The following RAD51B variants were observed in gnomAD, a reference collection of about 807,000 sequenced individuals.
RAD51B encodes RAD51 paralog B.
In RAD51B, 38 loss-of-function variants were observed where a neutral mutation model predicts 42.2. The observed-to-expected ratio is 0.90, with a 90% CI of 0.70 to 1.18. The LOEUF is 1.18. Among genes scored for constraint, RAD51B ranks in the 50% most tolerant of loss-of-function variants. The pLI is 0.00. For synonymous variants in RAD51B, 154 were observed against 145.2 expected, an observed-to-expected ratio of 1.06 and a Z score of -0.43; for missense variants, 373 against 400.7, an observed-to-expected ratio of 0.93 and a Z score of 0.59.
At chr14:68,316,557 T>C (rs1956532) in intron 8 of RAD51B, among the ~76,000 whole-genome samples, 75,794 of 152,070 alleles carry the variant, frequency 0.5, 21,637 homozygotes, top group South Asian at 0.65. Context: ...TTCCACATGT[T>C]TCTAATTAGG....
At chr14:68,022,569 C>T (rs766697795) in intron 7 of RAD51B, among the ~76,000 whole-genome samples, 15 of 151,302 alleles carry the variant, frequency 9.9e-5, no homozygotes, top group African/African-American at 3.6e-4. Context: ...TATCTCATTG[C>T]GGTTTTGATT....
chr14:67,893,052 T>A (rs1446451580), intron 7 of RAD51B, among the ~76,000 whole-genome samples: 3 of 152,156 alleles, frequency 2.0e-5, no homozygotes, highest in Non-Finnish European at 4.4e-5. Flanking sequence ...AGTAAATCAT[T>A]GAGCCAGAAG....
intron 10 of RAD51B, among the ~76,000 whole-genome samples, chr14:68,543,132 T>A (rs1888052597): frequency 6.6e-6 from 1 of 152,208 alleles, no homozygotes. Context: ...TACTCAATTT[T>A]ATCATTGTAG....
At chr14:68,219,706 T>C (rs574145750) in intron 7 of RAD51B, among the ~76,000 whole-genome samples, 3 of 152,262 alleles carry the variant, frequency 2.0e-5, no homozygotes, top group African/African-American at 7.2e-5. Context: ...TCCCAGATCT[T>C]ACCTCTGACA....
At chr14:68,230,275 G>A (rs2080121001) in intron 7 of RAD51B, among the ~76,000 whole-genome samples, 1 of 152,198 alleles carries the variant, frequency 6.6e-6, no homozygotes, top group South Asian at 2.1e-4. Context: ...GGTATAGAGA[G>A]TGTGTCATAG....
At chr14:68,518,732 G>C (rs368314811) in intron 10 of RAD51B, among the ~76,000 whole-genome samples, 1 of 152,222 alleles carries the variant, frequency 6.6e-6, no homozygotes, top group African/African-American at 2.4e-5. Flanking sequence ...GGTTGAACAA[G>C]GTTAGCAGCG....
chr14:67,964,158 CATGTAA>C (rs1189608246), intron 7 of RAD51B, among the ~76,000 whole-genome samples: 2 of 151,936 alleles, frequency 1.3e-5, no homozygotes, highest in Admixed American at 6.6e-5. Context: ...TTTAAACCAT[CATGTAA>C]ATGTCAGGAA....
At chr14:68,252,564 G>T (rs948079140) in intron 7 of RAD51B, among the ~76,000 whole-genome samples, 2 of 152,078 alleles carry the variant, frequency 1.3e-5, no homozygotes, top group Non-Finnish European at 2.9e-5. Context: ...TTTTAATAGG[G>T]TCACACTTAT....
chr14:67,915,810 A>C (rs1390859670), intron 7 of RAD51B, among the ~76,000 whole-genome samples: 2 of 152,252 alleles, frequency 1.3e-5, no homozygotes, highest in Non-Finnish European at 2.9e-5. Flanking sequence ...CTGCCATTAC[A>C]AAAAGAAAAT....
chr14:68,071,936 C>T (rs2076745883), intron 7 of RAD51B, among the ~76,000 whole-genome samples: 1 of 149,660 alleles, frequency 6.7e-6, no homozygotes, highest in Non-Finnish European at 1.5e-5. Flanking sequence ...AATTTTGGAA[C>T]TCATTATTGA....
At chr14:68,001,141 G>A (rs1197443795) in intron 7 of RAD51B, among the ~76,000 whole-genome samples, 2 of 151,976 alleles carry the variant, frequency 1.3e-5, no homozygotes, top group African/African-American at 2.4e-5. Flanking sequence ...ATCAGTTCTT[G>A]GATCAGAAAA....
chr14:67,863,417 A>G (rs2042226140), intron 4 of RAD51B, among the ~76,000 whole-genome samples: 1 of 152,106 alleles, frequency 6.6e-6, no homozygotes, highest in South Asian at 2.1e-4. Context: ...ACCCAGACCT[A>G]CTGAACCAGA....
intron 7 of RAD51B, among the ~76,000 whole-genome samples, chr14:68,025,814 G>A (rs973496639): frequency 6.6e-6 from 1 of 152,014 alleles, no homozygotes; most frequent in African/African-American, 2.4e-5. Flanking sequence ...CAAAGAACCA[G>A]CTGTTGGTTT....
intron 7 of RAD51B, among the ~76,000 whole-genome samples, chr14:68,164,760 C>T (rs974237635): frequency 6.6e-6 from 1 of 152,068 alleles, no homozygotes; most frequent in Non-Finnish European, 1.5e-5. Context: ...TAACCCTTAC[C>T]AAAGGTAATG....
At chr14:67,969,772 T>C (rs1324679184) in intron 7 of RAD51B, among the ~76,000 whole-genome samples, 1 of 152,208 alleles carries the variant, frequency 6.6e-6, no homozygotes, top group East Asian at 1.9e-4. Flanking sequence ...ATATTTATAA[T>C]GATCATTTAA....
At chr14:68,193,830 C>T (rs1257733964) in intron 7 of RAD51B, among the ~76,000 whole-genome samples, 1 of 152,172 alleles carries the variant, frequency 6.6e-6, no homozygotes, top group Non-Finnish European at 1.5e-5. Context: ...TAACCAATGG[C>T]TTCCACTCTA....
At chr14:68,673,257 C>T (rs1263947338) in intron 11 of RAD51B, among the ~76,000 whole-genome samples, 1 of 152,150 alleles carries the variant, frequency 6.6e-6, no homozygotes, top group African/African-American at 2.4e-5. Context: ...CCAAAGGAAG[C>T]ATAAATAGTG....
chr14:67,960,130 A>C (rs1258966825), intron 7 of RAD51B, among the ~76,000 whole-genome samples: 1 of 152,070 alleles, frequency 6.6e-6, no homozygotes, highest in Non-Finnish European at 1.5e-5. Context: ...GTGTGTGTAT[A>C]ATAGAAATAT....
Position 68,201,142 on chromosome 14 carries a change from G to C in RAD51B, c.757-90742G>C, listed in dbSNP as rs73290210. Among the ~76,000 whole-genome samples, 1,184 of 152,182 alleles carry C rather than the reference G, an allele frequency of 7.8e-3. 16 individuals carry two copies. The highest frequency in any genetic ancestry group is 0.028 in the African/African-American group (1,147 of 41,526). On this transcript the variant is annotated intron_variant, in intron 7 of 10. Transcript: ENST00000471583. ...CAAATCATATTCGGAGTTTCATATT[G>C]AAATTATTTAAGAGAAAATTTTTTT... is the stretch of plus-strand genomic sequence containing the variant.
Sources: gnomAD v4.1 joint callset for allele counts (sites outside exome capture counted in the v4.1 genomes callset) on GRCh38, gnomAD v4.1.1 for gene constraint, MANE v1.5 for transcripts, NCBI Gene and HGNC (gene_info 2026-07-23, HGNC 2026-07-21) for gene names.